Variants in TCHH observed in about 807,000 individuals in gnomAD.
TCHH encodes the protein trichohyalin.
In TCHH, 6 loss-of-function variants were observed where a neutral mutation model predicts 6.3. That is an observed-to-expected ratio of 0.95 (90% CI 0.52 to 1.88). TCHH has a LOEUF of 1.88. Ranked by LOEUF, TCHH falls within the 40% of genes most tolerant of loss-of-function variation. The pLI, the probability that TCHH is intolerant of heterozygous loss-of-function variation, is 0.01. For synonymous variants in TCHH, 1,087 were observed against 963.6 expected, an observed-to-expected ratio of 1.13 and a Z score of -2.37; for missense variants, 2,920 against 2,449.1, an observed-to-expected ratio of 1.19 and a Z score of -4.06.
At position 152,108,721 on chromosome 1, in the gene TCHH, C is replaced by G. The variant is rs772223668; in HGVS notation, c.4496G>C (p.Arg1499Pro). The change falls in exon 3 of 3, where the codon CGT (arginine) becomes CCT (proline). Residue 1499 changes from arginine to proline, a missense_variant. Coordinates refer to ENST00000614923, the MANE Select transcript of TCHH (RefSeq NM_007113.4). ...EEEQQLRRQE[R>P]DRKFREQELR... is the part of the protein sequence containing the mutation. ...TTCCTGTTCGCGGAATTTTCTGTCA[C>G]GCTCTTGGCGGCGCAGCTGTTGTTC... is the stretch of plus-strand genomic sequence containing the variant. 4 of 1,611,828 alleles carry G rather than the reference C, an allele frequency of 2.5e-6. No homozygotes were observed. In the Admixed American group the frequency reaches 5.0e-5, roughly 20 times the overall value.
chr1:152,112,369 C>G lies in TCHH; in HGVS notation c.848G>C (p.Arg283Pro). Residue 283 changes from arginine (R) to proline (P), a missense_variant, in exon 3 of 3, where the codon CGG (arginine) becomes CCG (proline). Arg to Pro is a moderately radical substitution (Grantham distance 103). Transcript: ENST00000614923. ...CTGGCGCTCCCTCCTCAGCTCTTGC[C>G]GCTCCAGCTTCCGTAGCTGCTCTTC... The part of the protein sequence containing the change: ...EEEEQLRKLE[R>P]QELRRERQEE... 2 of 1,613,616 alleles carry G rather than the reference C, an allele frequency of 1.2e-6. No homozygotes were observed. Among genetic ancestry groups the G allele is most frequent in the Non-Finnish European group, 1.7e-6 (2 of 1,179,984 alleles).
At position 152,110,015 on chromosome 1, in the gene TCHH, G is replaced by A. The variant is rs769313231; in HGVS notation, c.3202C>T (p.Arg1068Trp). Reference protein sequence around the residue: ...QEEEQLLGEERETRRRQELER... With the variant: ...QEEEQLLGEEWETRRRQELER... ...AGCTCCTGGCGCCTTCTCGTCTCCCGTTCCTCTCCCAGCAGCTGCTCTTCC... is the reference window on the plus strand; with the variant it reads ...AGCTCCTGGCGCCTTCTCGTCTCCCATTCCTCTCCCAGCAGCTGCTCTTCC... The change falls in exon 3 of 3, where the codon CGG becomes TGG. Residue 1068 changes from arginine (R) to tryptophan (W), a missense_variant. By Grantham distance (101) the Arg-to-Trp change is moderately radical. Coordinates refer to ENST00000614923, the MANE Select transcript of TCHH (RefSeq NM_007113.4). 1.3e-6 allele frequency: 2 copies of A among 1,535,428 alleles called. No homozygotes were observed. Among genetic ancestry groups the A allele is most frequent in the Non-Finnish European group, 1.8e-6 (2 of 1,139,992 alleles).
chr1:152,111,865 T>C lies in TCHH; in HGVS notation c.1352A>G (p.Gln451Arg). 6.2e-7 allele frequency: 1 copy of C among 1,606,334 alleles called. No individual in the cohort carries two copies. The highest frequency in any genetic ancestry group is 8.5e-7 in the Non-Finnish European group (1 of 1,178,316). The stretch of plus-strand genomic sequence containing the variant: ...CTTCAGCCAATCGCGCCTCTCCTCC[T>C]GCTCGCGCTTCAGCCGCTGCTCGCG... ...ERREQRLKRE[Q>R]EERRDWLKRE... The change falls in exon 3 of 3, where the codon CAG becomes CGG. Residue 451 changes from glutamine (Q) to arginine (R), a missense_variant. Gln to Arg is a conservative substitution (Grantham distance 43, BLOSUM62 1). Transcript: ENST00000614923.
At position 152,113,923 on chromosome 1, in the gene TCHH, A is replaced by T; in HGVS notation, c.138+20T>A. 6.2e-7 allele frequency: 1 copy of T among 1,603,852 alleles called. No homozygotes were observed. The highest frequency in any genetic ancestry group is 8.5e-7 in the Non-Finnish European group (1 of 1,177,140). On this transcript the variant is annotated intron_variant, in intron 2 of 2. Transcript: ENST00000614923. ...TCATAGCCTCAAGTCAATAGATCTC[A>T]TTTTCTTGTTAGTTCTTACCCGAAG... is the stretch of plus-strand genomic sequence containing the variant.
At position 152,114,923 on chromosome 1, in the gene TCHH, C is replaced by T. The variant is rs191239432; in HGVS notation, c.-32+468G>A. 3.3e-5 allele frequency among the ~76,000 whole-genome samples: 5 copies of T among 152,292 alleles called. No homozygotes were observed. In the East Asian group the frequency reaches 9.6e-4, roughly 29 times the overall value. ...TCTTGGCTTTTTATAAAACATTAGC[C>T]AGCAGTAGATCAATGTTATAAGAAT... On this transcript the variant is annotated intron_variant, in intron 1 of 2. Transcript: ENST00000614923.
Position 152,107,757 on chromosome 1 carries a change from C to G in TCHH, c.5460G>C (p.Lys1820Asn). ...GGAGCTGCTCTTCTTCCCAGCGATA[C>G]TTTCCGTCACGCTGTTGGGGGCGCA... ...QQLRPQQRDGKYRWEEEQLQL... is the reference protein window; with the variant it reads ...QQLRPQQRDGNYRWEEEQLQL... The change falls in exon 3 of 3, where the codon AAG (lysine) becomes AAC (asparagine). Residue 1820 changes from lysine to asparagine, a missense_variant. Transcript: ENST00000614923. The G allele has an allele frequency of 6.2e-7, 1 of 1,614,230 alleles. No homozygotes were observed. Among genetic ancestry groups the G allele is most frequent in the Non-Finnish European group, 8.5e-7 (1 of 1,180,036 alleles).
chr1:152,112,345 TG>T lies in TCHH; in HGVS notation c.871del (p.Gln291ArgfsTer10). On this transcript the variant is annotated frameshift_variant, in exon 3 of 3. Coordinates refer to ENST00000614923, the MANE Select transcript of TCHH (RefSeq NM_007113.4). LOFTEE classifies it low-confidence loss of function (END_TRUNC). ...CCTTTGCTGCTGCTGCTCTTCCTCC[TG>T]GCGCTCCCTCCTCAGCTCTTGCCGC... ...LERQELRRER[Q>X]EEEQQQQRLR... 6.2e-7 allele frequency: 1 copy of T among 1,613,372 alleles called. No individual in the cohort carries two copies. Among genetic ancestry groups the T allele is most frequent in the Non-Finnish European group, 8.5e-7 (1 of 1,179,984 alleles).
rs1557807529 is a variant in TCHH, at chr1:152,107,717, C to G, written c.5500G>C (p.Glu1834Gln). Residue 1834 changes from glutamate (E) to glutamine (Q), a missense_variant, in exon 3 of 3, where the codon GAG becomes CAG. By Grantham distance (29) the Glu-to-Gln change is conservative. Coordinates refer to ENST00000614923, the MANE Select transcript of TCHH (RefSeq NM_007113.4). The stretch of plus-strand genomic sequence containing the variant: ...TCTCGCTCCTGCCGCAGCCTCTGCT[C>G]TTGTTCCTCAAGTTGGAGCTGCTCT... The part of the protein sequence containing the change: ...EEEQLQLEEQ[E>Q]QRLRQERDRQ... 1 of 1,613,986 alleles carries G rather than the reference C, an allele frequency of 6.2e-7. No individual in the cohort carries two copies.
In TCHH at chr1:152,106,871, G is replaced by A. The variant is rs1658120605; in HGVS notation, c.*514C>T. The A allele has an allele frequency of 6.5e-6, 1 of 152,954 alleles. No individual in the cohort carries two copies. The highest frequency in any genetic ancestry group is 2.4e-5 in the African/African-American group (1 of 41,450). The allele number at this position is 152,954 out of a possible 1,614,324, so 9.5% of individuals were successfully genotyped here. On this transcript the variant is annotated 3_prime_UTR_variant, in exon 3 of 3. Coordinates refer to ENST00000614923, the MANE Select transcript of TCHH (RefSeq NM_007113.4). ...ACTATTCAAGGGTTATAAAAATTTA[G>A]TTACCTGGAATTTGTGCTAACTATG...
rs1557812997 is a variant in TCHH, at chr1:152,112,256, TCTCCTCCTGCTGCTCGCGCCTCTC to T, written c.937_960del (p.Glu313_Glu320del). 2.0e-6 allele frequency: 3 copies of T among 1,526,568 alleles called. No individual in the cohort carries two copies. Among genetic ancestry groups the T allele is most frequent in the Non-Finnish European group, 8.8e-7 (1 of 1,142,456 alleles). The allele number at this position is 1,526,568 out of a possible 1,614,324, so 94.6% of individuals were successfully genotyped here. A position where few individuals can be genotyped will look rare whatever the true frequency, so the allele number is the denominator to read the frequency against. On this transcript the variant is annotated inframe_deletion, in exon 3 of 3. Coordinates refer to ENST00000614923, the MANE Select transcript of TCHH (RefSeq NM_007113.4). Reference sequence around the variant, plus strand: ...TCGCGCCTCTCCTGCTGCTCGCGCCTCTCCTCCTGCTGCTCGCGCCTCTCCTCCTCCTGCTTGCGCCTTAGTTGC... The same window carrying T: ...TCGCGCCTCTCCTGCTGCTCGCGCCTCTCCTCCTGCTTGCGCCTTAGTTGC...
In TCHH at chr1:152,109,793, C is replaced by G. The variant is rs769064582; in HGVS notation, c.3424G>C (p.Glu1142Gln). Residue 1142 changes from glutamate (E) to glutamine (Q), a missense_variant, in exon 3 of 3, where the codon GAG becomes CAG. Physicochemically the swap from Glu to Gln is conservative, Grantham distance 29 (BLOSUM62 2). Transcript: ENST00000614923. ...RRQELERQYR[E>Q]EEEVQQEEEQ... is the part of the protein sequence containing the mutation. ...TCCTCCTGCTGCACCTCCTCTTCCTCCCGATATTGCCTCTCCAGCTCCTGG... is the reference window on the plus strand; with the variant it reads ...TCCTCCTGCTGCACCTCCTCTTCCTGCCGATATTGCCTCTCCAGCTCCTGG... 3.8e-6 allele frequency: 6 copies of G among 1,579,600 alleles called. No individual in the cohort carries two copies. Among genetic ancestry groups the G allele is most frequent in the Non-Finnish European group, 3.4e-6 (4 of 1,161,168 alleles).
rs1034551666 is a variant in TCHH, at chr1:152,106,367, A to G, written c.*1018T>C. 3 of 152,158 alleles carry G rather than the reference A, an allele frequency of 2.0e-5. No individual in the cohort carries two copies. The highest frequency in any genetic ancestry group is 4.4e-5 in the Non-Finnish European group (3 of 68,028). The allele number at this position is 152,158 out of a possible 1,614,324, so 9.4% of individuals were successfully genotyped here. On this transcript the variant is annotated 3_prime_UTR_variant, in exon 3 of 3. Transcript: ENST00000614923. ...TTTTTCACAGTCCAATTATTTCAAC[A>G]AGAATATATCTAAGGTATTATCAAT...
rs756809623 is a variant in TCHH at position 152,108,587 on chromosome 1, C to T, written c.4630G>A (p.Glu1544Lys). 12 of 1,612,950 alleles carry T rather than the reference C, an allele frequency of 7.4e-6. No individual in the cohort carries two copies. The Admixed American group carries it at 1.2e-4, about 16-fold the overall frequency. Residue 1544 changes from glutamate (E) to lysine (K), a missense_variant, in exon 3 of 3, where the codon GAG becomes AAG. Coordinates refer to ENST00000614923, the MANE Select transcript of TCHH (RefSeq NM_007113.4). ...TCCTGACGCCGCTGTTGCCCGCGCT[C>T]CTGGCGGCGCAGCTGCTGTTCCTCC... Reference protein sequence around the residue: ...LQEEQQLRRQERGQQRRQDRD... With the variant: ...LQEEQQLRRQKRGQQRRQDRD...
chr1:152,112,686 C>T lies in TCHH; in HGVS notation c.531G>A (p.Arg177=), dbSNP rs866421485. Residue 177 remains arginine, a synonymous_variant, in exon 3 of 3, where the codon AGG becomes AGA. Transcript: ENST00000614923. ...QRRDEELWRQ[R]QEWQEREERR... is the part of the protein sequence containing the mutation. ...GCTCTTCCCGTTCTTGCCATTCTTGCCTTTGCCGCCACAGCTCCTCGTCGC... is the reference window on the plus strand; with the variant it reads ...GCTCTTCCCGTTCTTGCCATTCTTGTCTTTGCCGCCACAGCTCCTCGTCGC... The T allele has an allele frequency of 1.2e-6, 2 of 1,613,968 alleles. No individual in the cohort carries two copies. Among genetic ancestry groups the T allele is most frequent in the South Asian group, 1.1e-5 (1 of 91,090 alleles).
In TCHH at chr1:152,108,773, C is replaced by T. The variant is rs1658209174; in HGVS notation, c.4444G>A (p.Glu1482Lys). Residue 1482 changes from glutamate (E) to lysine (K), a missense_variant, in exon 3 of 3, where the codon GAG becomes AAG. Glu to Lys is a moderately conservative substitution (Grantham distance 56). Transcript: ENST00000614923. ...EREEQQLHRQ[E>K]RDRKFLEEEQ... is the part of the protein sequence containing the mutation. ...TCCTCCAGGAATTTTCTGTCACGCT[C>T]TTGGCGGTGCAGCTGCTGTTCTTCC... 5.6e-6 allele frequency: 9 copies of T among 1,613,514 alleles called. No homozygotes were observed. The highest frequency in any genetic ancestry group is 7.6e-6 in the Non-Finnish European group (9 of 1,179,912).
Position 152,109,408 on chromosome 1 carries a change from A to C in TCHH, c.3809T>G (p.Leu1270Arg). The C allele has an allele frequency of 6.2e-7, 1 of 1,613,520 alleles. No homozygotes were observed. Among genetic ancestry groups the C allele is most frequent in the East Asian group, 2.2e-5 (1 of 44,862 alleles). The change falls in exon 3 of 3, where the codon CTG (leucine) becomes CGG (arginine). Residue 1270 changes from leucine to arginine, a missense_variant. Physicochemically the swap from Leu to Arg is moderately radical, Grantham distance 102. Transcript: ENST00000614923. ...ATCTCGCTCTTGCTGTTCACCCAGCAGGTGCTGCAGATCTTGCTGGGATTG... is the reference window on the plus strand; with the variant it reads ...ATCTCGCTCTTGCTGTTCACCCAGCCGGTGCTGCAGATCTTGCTGGGATTG... ...DRQSQQDLQH[L>R]LGEQQERDRE...
At position 152,107,693 on chromosome 1, in the gene TCHH, C is replaced by G; in HGVS notation, c.5524G>C (p.Asp1842His). ...EQEQRLRQER[D>H]RQYRAEEQFA... ...TGCTCCTCCGCCCGGTACTGCCGGT[C>G]TCGCTCCTGCCGCAGCCTCTGCTCT... The change falls in exon 3 of 3, where the codon GAC becomes CAC. Residue 1842 changes from aspartate (D) to histidine (H), a missense_variant. Coordinates refer to ENST00000614923, the MANE Select transcript of TCHH (RefSeq NM_007113.4). 1 of 1,614,210 alleles carries G rather than the reference C, an allele frequency of 6.2e-7. No individual in the cohort carries two copies. Among genetic ancestry groups the G allele is most frequent in the Non-Finnish European group, 8.5e-7 (1 of 1,180,050 alleles).
rs1658329135 is a variant in TCHH at position 152,111,185 on chromosome 1, C to T, written c.2032G>A (p.Glu678Lys). ...LEQRLKREHE[E>K]ERREQELAEE... Reference sequence around the variant, plus strand: ...GCTAGCTCCTGCTCGCGCCTCTCTTCCTCATGCTCGCGCTTCAGCCGCTGC... The same window carrying T: ...GCTAGCTCCTGCTCGCGCCTCTCTTTCTCATGCTCGCGCTTCAGCCGCTGC... The change falls in exon 3 of 3, where the codon GAA (glutamate) becomes AAA (lysine). Residue 678 changes from glutamate (E) to lysine (K), a missense_variant. By Grantham distance (56) the Glu-to-Lys change is moderately conservative (BLOSUM62 1). Transcript: ENST00000614923. The T allele has an allele frequency of 1.2e-6, 2 of 1,613,170 alleles. No individual in the cohort carries two copies. The highest frequency in any genetic ancestry group is 1.7e-6 in the Non-Finnish European group (2 of 1,179,788).
rs1483068514 is a variant in TCHH, at chr1:152,107,939, C to T, written c.5278G>A (p.Glu1760Lys). The change falls in exon 3 of 3, where the codon GAA (glutamate) becomes AAA (lysine). Residue 1760 changes from glutamate (E) to lysine (K), a missense_variant. Transcript: ENST00000614923. ...LEEEQLRPER[E>K]EQQLRRQERD... ...TCCTGGCGGCGCAGCTGCTGTTCTT[C>T]CCTTTCCGGACGGAGCTGCTCTTCC... The T allele has an allele frequency of 5.0e-6, 8 of 1,613,908 alleles. No individual in the cohort carries two copies. In the African/African-American group the frequency reaches 9.3e-5, roughly 19 times the overall value.
Sources: allele counts gnomAD v4.1 joint callset (sites outside exome capture counted in the v4.1 genomes callset), GRCh38; gene constraint gnomAD v4.1.1; transcripts MANE v1.5; gene names NCBI Gene and HGNC (gene_info 2026-07-23, HGNC 2026-07-21).